Variants in HDAC9 observed in about 807,000 individuals in gnomAD.
HDAC9 encodes MEF-2 interacting transcription repressor (MITR) protein.
A neutral mutation model predicts 139.4 loss-of-function variants in HDAC9; 41 were observed. That is an observed-to-expected ratio of 0.29 (90% CI 0.23 to 0.38). The LOEUF (loss-of-function observed/expected upper bound fraction) is 0.38. Among genes scored for constraint, HDAC9 ranks in the 10% least tolerant of loss-of-function variants. The pLI, the probability that HDAC9 is intolerant of heterozygous loss-of-function variation, is 1.00. For synonymous variants in HDAC9, 517 were observed against 476.2 expected, an observed-to-expected ratio of 1.09 and a Z score of -1.12; for missense variants, 1,147 against 1,297.0, an observed-to-expected ratio of 0.88 and a Z score of 1.78.
At chr7:18,383,519 T>C (rs779119662) in intron 1 of HDAC9, among the ~76,000 whole-genome samples, 3 of 151,964 alleles carry the variant, frequency 2.0e-5, no homozygotes, top group Admixed American at 2.0e-4. Context: ...ACTGGCTCTT[T>C]GGAGAAAAAA....
rs750659629 is a variant in HDAC9 at position 18,523,541 on chromosome 7, C to G, written c.22+27217C>G. The stretch of plus-strand genomic sequence containing the variant: ...TCTCTTATGTGCCAGACATTATCTT[C>G]GTGCCAAAATAGATGACAGAGCAAA... On this transcript the variant is annotated intron_variant, in intron 2 of 25. Coordinates refer to ENST00000686413, the MANE Select transcript of HDAC9 (RefSeq NM_178425.4). Among the ~76,000 whole-genome samples the G allele has an allele frequency of 2.0e-5, 3 of 152,226 alleles. No homozygotes were observed. In the East Asian group the frequency reaches 5.8e-4, roughly 29 times the overall value.
chr7:18,668,847 C>A, intron 12 of HDAC9: 8 of 982,952 alleles, frequency 8.1e-6, no homozygotes, highest in Non-Finnish European at 9.6e-6. Flanking sequence ...TAAAAGATCC[C>A]CTTTCATACA....
At chr7:18,843,664 T>A (rs1452812807) in intron 21 of HDAC9, among the ~76,000 whole-genome samples, 1 of 152,076 alleles carries the variant, frequency 6.6e-6, no homozygotes, top group Non-Finnish European at 1.5e-5. Context: ...AGAGTGAATT[T>A]TTTTTTTTGA....
intron 2 of HDAC9, among the ~76,000 whole-genome samples, chr7:18,216,076 A>G (rs933038366): frequency 5.3e-5 from 8 of 150,438 alleles, no homozygotes; most frequent in Non-Finnish European, 7.4e-5. Flanking sequence ...GCAGCATGAA[A>G]TGTATGTGTG....
At chr7:18,141,947 G>T (rs1236015443) in intron 1 of HDAC9, among the ~76,000 whole-genome samples, 1 of 152,176 alleles carries the variant, frequency 6.6e-6, no homozygotes, top group Non-Finnish European at 1.5e-5. Flanking sequence ...ATTGGATCTA[G>T]AATACCCTAT....
chr7:18,260,828 C>T (rs930302710), intron 2 of HDAC9, among the ~76,000 whole-genome samples: 4 of 152,116 alleles, frequency 2.6e-5, no homozygotes, highest in Non-Finnish European at 4.4e-5. Context: ...TGATTTGAGA[C>T]ATTATACTGC....
chr7:18,607,931 C>T (rs1441051561), intron 6 of HDAC9, among the ~76,000 whole-genome samples: 1 of 152,074 alleles, frequency 6.6e-6, no homozygotes, highest in Non-Finnish European at 1.5e-5. Context: ...TTTCACTCCT[C>T]ATGAAATGCT....
intron 11 of HDAC9, among the ~76,000 whole-genome samples, chr7:18,655,827 CG>C (rs960058251): frequency 2.6e-5 from 4 of 151,916 alleles, no homozygotes; most frequent in African/African-American, 9.7e-5. Context: ...GGTAAGAAAA[CG>C]GGGGGAAGAA....
At chr7:18,438,809 T>C (rs1791472555) in intron 1 of HDAC9, among the ~76,000 whole-genome samples, 2 of 152,206 alleles carry the variant, frequency 1.3e-5, no homozygotes, top group African/African-American at 4.8e-5. Context: ...CTTTCCCTTT[T>C]TATTCTATAA....
intron 2 of HDAC9, among the ~76,000 whole-genome samples, chr7:18,186,614 C>G (rs947092312): frequency 2.0e-5 from 3 of 152,170 alleles, no homozygotes; most frequent in Non-Finnish European, 4.4e-5. Flanking sequence ...GAGTGGGAAG[C>G]CAGGAAAATT....
At chr7:18,711,967 C>T (rs886582033) in intron 12 of HDAC9, among the ~76,000 whole-genome samples, 1 of 150,734 alleles carries the variant, frequency 6.6e-6, no homozygotes, top group African/African-American at 2.4e-5. Flanking sequence ...AAACAGTCAA[C>T]CAAACAAAGA....
At chr7:18,386,273 A>G (rs1253307157) in intron 1 of HDAC9, among the ~76,000 whole-genome samples, 2 of 152,190 alleles carry the variant, frequency 1.3e-5, no homozygotes, top group Non-Finnish European at 2.9e-5. Flanking sequence ...GGGCACCTGC[A>G]TCATATATGT....
intron 1 of HDAC9, among the ~76,000 whole-genome samples, chr7:18,308,612 C>A (rs765607100): frequency 2.6e-5 from 4 of 151,930 alleles, no homozygotes; most frequent in African/African-American, 9.7e-5. Context: ...GTGTGTCTGA[C>A]CTGGAAAGAA....
At chr7:18,843,967 T>A (rs1796749208) in intron 21 of HDAC9, among the ~76,000 whole-genome samples, 1 of 152,202 alleles carries the variant, frequency 6.6e-6, no homozygotes, top group Non-Finnish European at 1.5e-5. Flanking sequence ...TCACACTGTT[T>A]TCTGATGGGC....
intron 2 of HDAC9, among the ~76,000 whole-genome samples, chr7:18,170,562 T>A (rs1007282703): frequency 1.8e-5 from 1 of 55,476 alleles, no homozygotes; most frequent in Non-Finnish European, 3.2e-5. Context: ...TCTTCTAGGG[T>A]TTTTTTTATG....
rs553772961 is a variant in HDAC9, at chr7:18,774,099, A to G, written c.2214+6944A>G. On this transcript the variant is annotated intron_variant, in intron 16 of 25. Transcript: ENST00000686413. Reference sequence around the variant, plus strand: ...TAGGATTTAATCATTCCCCAACTCAAGAAAAACCCATAGCTTCTGAGTTTT... The same window carrying G: ...TAGGATTTAATCATTCCCCAACTCAGGAAAAACCCATAGCTTCTGAGTTTT... Among the ~76,000 whole-genome samples, 24 of 152,184 alleles carry G rather than the reference A, an allele frequency of 1.6e-4. No homozygotes were observed. In the South Asian group the frequency reaches 4.8e-3, roughly 30 times the overall value.
rs752606937 is a variant in HDAC9, at chr7:18,998,092, G to A, written c.*2030G>A. On this transcript the variant is annotated 3_prime_UTR_variant, in exon 26 of 26. Transcript: ENST00000686413. ...AGGATATTTACTTAAAAAAATAGTA[G>A]AGCCAAAGGCTTAACAAAAGACTCT... The A allele has an allele frequency of 6.6e-6, 1 of 152,040 alleles. No homozygotes were observed. Among genetic ancestry groups the A allele is most frequent in the Non-Finnish European group, 1.5e-5 (1 of 67,988 alleles). 9.4% of individuals were successfully genotyped at this position (152,040 alleles called of 1,614,324 possible).
chr7:18,534,980 G>T (rs995854998), intron 2 of HDAC9, among the ~76,000 whole-genome samples: 1 of 152,106 alleles, frequency 6.6e-6, no homozygotes, highest in African/African-American at 2.4e-5. Context: ...TTGACCACTC[G>T]TCTTCCTCTG....
chr7:18,917,419 T>TA (rs1233227164), intron 22 of HDAC9, among the ~76,000 whole-genome samples: 1 of 151,842 alleles, frequency 6.6e-6, no homozygotes, highest in Non-Finnish European at 1.5e-5. Context: ...ATCTCACAAA[T>TA]AAATTGAAAA....
Sources: allele counts gnomAD v4.1 joint callset (sites outside exome capture counted in the v4.1 genomes callset), GRCh38; gene constraint gnomAD v4.1.1; transcripts MANE v1.5; gene names NCBI Gene and HGNC (gene_info 2026-07-23, HGNC 2026-07-21).